PAK4: variants seen among roughly 807,000 people sequenced by gnomAD.
PAK4 encodes serine/threonine-protein kinase PAK 4.
PAK4 carries 49 observed loss-of-function variants against 53.5 expected under a neutral mutation model. The observed-to-expected ratio is 0.92, with a 90% confidence interval of 0.73 to 1.16. The LOEUF (loss-of-function observed/expected upper bound fraction) is 1.16. Among genes scored for constraint, PAK4 ranks in the 50% most tolerant of loss-of-function variants. The pLI, the probability that PAK4 is intolerant of heterozygous loss-of-function variation, is 0.00. For missense variants in PAK4, 824 were observed against 850.7 expected (o/e 0.97, Z 0.39); for synonymous variants, 376 against 375.6 (o/e 1.00, Z -0.01).
chr19:39,160,006 C>T (rs1216363996), intron 1 of PAK4, among the ~76,000 whole-genome samples: 2 of 152,252 alleles, frequency 1.3e-5, no homozygotes, highest in East Asian at 1.9e-4. Context: ...GCTGCCACTT[C>T]CTGAGATTCC....
At chr19:39,160,886 CTTTCTT>C (rs2074273326) in intron 1 of PAK4, among the ~76,000 whole-genome samples, 1 of 152,222 alleles carries the variant, frequency 6.6e-6, no homozygotes, top group African/African-American at 2.4e-5. Context: ...CTCCAAGGTC[CTTTCTT>C]TAGAGTGGAG....
intron 2 of PAK4, among the ~76,000 whole-genome samples, chr19:39,172,564 G>A (rs907086823): frequency 6.6e-6 from 1 of 152,114 alleles, no homozygotes; most frequent in Non-Finnish European, 1.5e-5. Context: ...GCAGCCCTCG[G>A]GGCTGATTAT....
At chr19:39,159,919 T>G (rs1367917506) in intron 1 of PAK4, among the ~76,000 whole-genome samples, 1 of 152,222 alleles carries the variant, frequency 6.6e-6, no homozygotes, top group East Asian at 1.9e-4. Flanking sequence ...TCTGTGTCTT[T>G]ATGGGCTTTT....
chr19:39,145,547 G>T (rs1312555527), intron 1 of PAK4, among the ~76,000 whole-genome samples: 1 of 152,148 alleles, frequency 6.6e-6, no homozygotes, highest in African/African-American at 2.4e-5. Flanking sequence ...CCTGCTCCAC[G>T]TGGGTTTGAG....
intron 1 of PAK4, among the ~76,000 whole-genome samples, chr19:39,129,824 T>C (rs2073667103): frequency 6.6e-6 from 1 of 151,988 alleles, no homozygotes; most frequent in South Asian, 2.1e-4. Context: ...GTGCCAGGGG[T>C]GACAGCTGGG....
chr19:39,169,420 A>C (rs1047363436), intron 1 of PAK4, 112 bp from the exon 3 acceptor site: 1 of 758,844 alleles, frequency 1.3e-6, no homozygotes, highest in African/African-American at 1.7e-5. Context: ...GAAGGAGGCT[A>C]CTGCCTCCTG....
intron 1 of PAK4, among the ~76,000 whole-genome samples, chr19:39,129,226 G>A (rs750506170): frequency 2.6e-5 from 4 of 151,992 alleles, no homozygotes; most frequent in Non-Finnish European, 5.9e-5. Flanking sequence ...GAGCATTGGA[G>A]TCTGGATGTC....
intron 1 of PAK4, among the ~76,000 whole-genome samples, chr19:39,138,432 C>A (rs76026411): frequency 3.3e-5 from 5 of 152,208 alleles, no homozygotes; most frequent in African/African-American, 1.2e-4. Context: ...TGTGCTCGTG[C>A]GCACACACCT....
chr19:39,168,732 C>G (rs183006549), intron 1 of PAK4: 2 of 152,282 alleles, frequency 1.3e-5, no homozygotes, highest in African/African-American at 4.8e-5. Flanking sequence ...GTCAAGGGCC[C>G]GATTGAAGAC....
intron 1 of PAK4, among the ~76,000 whole-genome samples, chr19:39,153,740 C>T (rs2074132075): frequency 6.6e-6 from 1 of 152,110 alleles, no homozygotes; most frequent in African/African-American, 2.4e-5. Flanking sequence ...CCCCACCTGG[C>T]CTTAATTTTA....
chr19:39,180,799 C>T (rs1322219432), downstream of PAK4: 1 of 152,208 alleles, frequency 6.6e-6, no homozygotes, highest in Non-Finnish European at 1.5e-5. Context: ...ACCTTGTGAA[C>T]AAGTTGTTCC....
At chr19:39,164,526 A>G (rs972674834) in intron 1 of PAK4, among the ~76,000 whole-genome samples, 4 of 152,110 alleles carry the variant, frequency 2.6e-5, no homozygotes, top group Non-Finnish European at 5.9e-5. Flanking sequence ...GAGGAACAGC[A>G]GGGGGACCTG....
chr19:39,149,720 G>A (rs999626816), intron 1 of PAK4, among the ~76,000 whole-genome samples: 1 of 152,150 alleles, frequency 6.6e-6, no homozygotes, highest in Admixed American at 6.6e-5. Context: ...GCTGGGCGTG[G>A]TGGTGGGCGC....
chr19:39,170,959 C>G (rs1432718480), intron 2 of PAK4, among the ~76,000 whole-genome samples: 1 of 152,226 alleles, frequency 6.6e-6, no homozygotes, highest in Non-Finnish European at 1.5e-5. Context: ...CACCTCAGCT[C>G]CACGCCCTGC....
In PAK4 at chr19:39,159,389, A is replaced by C. The variant is rs570407099; in HGVS notation, c.-22-10143A>C. ...TGCTGTCAAGGGGAAGGCACGGGAC[A>C]TGCAGGGTTTTTTTCAGACAGAGTC... On this transcript the variant is annotated intron_variant, in intron 1 of 8. Transcript: ENST00000358301. 3.9e-5 allele frequency among the ~76,000 whole-genome samples: 6 copies of C among 152,254 alleles called. No homozygotes were observed. In the East Asian group the frequency reaches 1.2e-3, roughly 29 times the overall value.
At chr19:39,145,205 C>T (rs770235405) in intron 1 of PAK4, among the ~76,000 whole-genome samples, 15 of 151,894 alleles carry the variant, frequency 9.9e-5, no homozygotes, top group South Asian at 8.3e-4. Flanking sequence ...AGCTAAAAGA[C>T]GAAATGCTTG....
intron 1 of PAK4, among the ~76,000 whole-genome samples, chr19:39,144,181 G>C (rs888889964): frequency 6.6e-6 from 1 of 151,496 alleles, no homozygotes; most frequent in South Asian, 2.1e-4. Flanking sequence ...TAGATAGATA[G>C]ATAGATAGAT....
chr19:39,131,623 C>T (rs2073712730), intron 1 of PAK4, among the ~76,000 whole-genome samples: 1 of 152,330 alleles, frequency 6.6e-6, no homozygotes, highest in Non-Finnish European at 1.5e-5. Flanking sequence ...AGAAGGGGAA[C>T]ACTCTCCCAT....
chr19:39,176,318 G>A (rs1050510852), intron 6 of PAK4, among the ~76,000 whole-genome samples: 7 of 152,322 alleles, frequency 4.6e-5, no homozygotes, highest in African/African-American at 1.4e-4. Flanking sequence ...GCTATCTGCA[G>A]TACTCAGGCC....
Sources: allele counts gnomAD v4.1 joint callset (sites outside exome capture counted in the v4.1 genomes callset), GRCh38; gene constraint gnomAD v4.1.1; transcripts MANE v1.5; gene names NCBI Gene and HGNC (gene_info 2026-07-23, HGNC 2026-07-21).